Variants in AARS2 observed in about 807,000 individuals in gnomAD.
AARS2 encodes the protein alanine--tRNA ligase, mitochondrial.
Under a neutral mutation model 119.7 loss-of-function variants are expected in AARS2, and 78 were observed. The observed-to-expected ratio is 0.65, with a 90% CI of 0.54 to 0.79. AARS2 has a LOEUF of 0.79. AARS2 is among the 30% of genes least tolerant of loss of function. The pLI is 0.00. For missense variants in AARS2, 1,157 were observed against 1,291.3 expected, an observed-to-expected ratio of 0.90 and a Z score of 1.59; for synonymous variants, 502 against 526.3, an observed-to-expected ratio of 0.95 and a Z score of 0.63.
Position 44,304,711 on chromosome 6 carries a change from G to C in AARS2, c.1686C>G (p.Thr562=). The change falls in exon 12 of 22, where the codon ACC becomes ACG. Residue 562 remains threonine (T), a synonymous_variant. Transcript: ENST00000244571. ...GGCCCCCCTGTTCTGCGTAGAAGTT[G>C]GTCCTGTCCAAGAGGAGGCCACAGC... ...GQRCGLLLDR[T]NFYAEQGGQA... 6.2e-7 allele frequency: 1 copy of C among 1,614,228 alleles called. No individual in the cohort carries two copies. The highest frequency in any genetic ancestry group is 8.5e-7 in the Non-Finnish European group (1 of 1,180,032).
rs1012388107 is a variant in AARS2 at position 44,305,516 on chromosome 6, G to A, written c.1434+137C>T. 2.9e-6 allele frequency: 4 copies of A among 1,398,588 alleles called. No individual in the cohort carries two copies. In the African/African-American group the frequency reaches 5.7e-5, roughly 20 times the overall value. The allele number at this position is 1,398,588 out of a possible 1,614,324, so 86.6% of individuals were successfully genotyped here. Reference sequence around the variant, plus strand: ...CTACTGGTTGTGGCCTGAGGTTTTAGAAACCTCCCAGGTGAGGGGACAGAT... The same window carrying A: ...CTACTGGTTGTGGCCTGAGGTTTTAAAAACCTCCCAGGTGAGGGGACAGAT... On this transcript the variant is annotated intron_variant, in intron 10 of 21. Transcript: ENST00000244571. This position sits in a 1 kb window ranked among gnomAD's most constrained non-coding sequence, Gnocchi z 4.6.
In AARS2 at chr6:44,305,590, G is replaced by A. The variant is rs962048161; in HGVS notation, c.1434+63C>T. On this transcript the variant is annotated intron_variant, in intron 10 of 21. Transcript: ENST00000244571. This position sits in a 1 kb window ranked among gnomAD's most constrained non-coding sequence, Gnocchi z 4.6. ...CTCAATATTCACAGCTCCTCCCCCA[G>A]GAGCTCAGGGCTGGGGAAGAGGTGT... The A allele has an allele frequency of 2.1e-5, 34 of 1,609,426 alleles. No individual in the cohort carries two copies. In the African/African-American group the frequency reaches 4.3e-4, roughly 20 times the overall value.
At position 44,305,064 on chromosome 6, in the gene AARS2, G is replaced by C. The variant is rs374173311; in HGVS notation, c.1569C>G (p.Ser523Arg). The C allele has an allele frequency of 6.2e-7, 1 of 1,613,934 alleles. No homozygotes were observed. The highest frequency in any genetic ancestry group is 1.3e-5 in the African/African-American group (1 of 74,944). ...SPKYNYSLRP[S>R]GSYEFGTCEA... ...GGTCCAGGCTCTCACCATAACTTCC[G>C]CTGGGTCGCAGGGAGTAGTTGTACT... Residue 523 changes from serine (S) to arginine (R), a missense_variant, in exon 11 of 22, where the codon AGC (serine) becomes AGG (arginine). Coordinates refer to ENST00000244571, the MANE Select transcript of AARS2 (RefSeq NM_020745.4). The surrounding 1 kb of genome is among the most constrained non-coding windows in gnomAD (Gnocchi z 4.6).
At chr6:44,308,508 C>T (rs1786060712) in intron 5 of AARS2, among the ~76,000 whole-genome samples, 1 of 151,472 alleles carries the variant, frequency 6.6e-6, no homozygotes. Flanking sequence ...CACTGCACTC[C>T]AGCCTGGACA....
Position 44,305,833 on chromosome 6 carries a change from C to T in AARS2, c.1301-47G>A, listed in dbSNP as rs775107306. On this transcript the variant is annotated intron_variant, in intron 9 of 21. Transcript: ENST00000244571. This position sits in a 1 kb window ranked among gnomAD's most constrained non-coding sequence, Gnocchi z 4.6. ...AATGTTGAGGAGGGGAGGGATTAGA[C>T]AAAGAAGGGGAGAAAAATAAGGTCC... is the stretch of plus-strand genomic sequence containing the variant. The T allele has an allele frequency of 3.7e-6, 6 of 1,609,528 alleles. No individual in the cohort carries two copies. Among genetic ancestry groups the T allele is most frequent in the Non-Finnish European group, 5.1e-6 (6 of 1,176,328 alleles).
intron 19 of AARS2, among the ~76,000 whole-genome samples, 172 bp downstream of exon 19, chr6:44,301,888 A>G (rs1438596382): frequency 1.3e-5 from 2 of 152,084 alleles, no homozygotes; most frequent in Non-Finnish European, 2.9e-5. Flanking sequence ...TGAAAGAGAC[A>G]GAAGTGGGGG....
rs758466937 is a variant in AARS2 at position 44,303,300 on chromosome 6, G to A, written c.2131C>T (p.Arg711Cys). Residue 711 changes from arginine (R) to cysteine (C), a missense_variant, in exon 15 of 22, where the codon CGC becomes TGC. Arg to Cys is a radical substitution (Grantham distance 180, BLOSUM62 -3). Coordinates refer to ENST00000244571, the MANE Select transcript of AARS2 (RefSeq NM_020745.4). ...CCCCAACTCACCTCATCCAGAGAGC[G>A]CAGGCCAGGGACCTGGGCAGTGAGC... is the stretch of plus-strand genomic sequence containing the variant. ...LALTAQVPGL[R>C]SLDEVYPDPV... 68 of 1,613,994 alleles carry A rather than the reference G, an allele frequency of 4.2e-5. No homozygotes were observed. The highest frequency in any genetic ancestry group is 4.1e-4 in the African/African-American group (31 of 74,938).
At chr6:44,308,833 C>A (rs1259306157) in intron 5 of AARS2, among the ~76,000 whole-genome samples, 1 of 152,058 alleles carries the variant, frequency 6.6e-6, no homozygotes, top group African/African-American at 2.4e-5. Context: ...AACTCCTGAC[C>A]TCAAGCGATC....
Position 44,304,689 on chromosome 6 carries a change from C to T in AARS2, c.1708G>A (p.Gly570Ser). 2 of 1,614,232 alleles carry T rather than the reference C, an allele frequency of 1.2e-6. No homozygotes were observed. Among genetic ancestry groups the T allele is most frequent in the Non-Finnish European group, 1.7e-6 (2 of 1,180,042 alleles). ...DRTNFYAEQG[G>S]QASDRGYLVR... ...AGGTAGCCACGGTCTGAAGCCTGGC[C>T]CCCCTGTTCTGCGTAGAAGTTGGTC... Residue 570 changes from glycine to serine, a missense_variant, in exon 12 of 22, where the codon GGC becomes AGC. Physicochemically the swap from Gly to Ser is moderately conservative, Grantham distance 56. Transcript: ENST00000244571.
chr6:44,304,688 C>T lies in AARS2; in HGVS notation c.1709G>A (p.Gly570Asp). ...CAGGTAGCCACGGTCTGAAGCCTGG[C>T]CCCCCTGTTCTGCGTAGAAGTTGGT... is the stretch of plus-strand genomic sequence containing the variant. ...DRTNFYAEQG[G>D]QASDRGYLVR... Residue 570 changes from glycine (G) to aspartate (D), a missense_variant, in exon 12 of 22, where the codon GGC (glycine) becomes GAC (aspartate). Transcript: ENST00000244571. 6.2e-7 allele frequency: 1 copy of T among 1,614,232 alleles called. No homozygotes were observed. The highest frequency in any genetic ancestry group is 8.5e-7 in the Non-Finnish European group (1 of 1,180,038).
rs890609916 is a variant in AARS2, at chr6:44,305,389, G to A, written c.1435-191C>T. 2.0e-5 allele frequency among the ~76,000 whole-genome samples: 3 copies of A among 152,132 alleles called. No individual in the cohort carries two copies. Among genetic ancestry groups the A allele is most frequent in the East Asian group, 1.9e-4 (1 of 5,188 alleles). On this transcript the variant is annotated intron_variant, in intron 10 of 21. Coordinates refer to ENST00000244571, the MANE Select transcript of AARS2 (RefSeq NM_020745.4). The surrounding 1 kb of genome is among the most constrained non-coding windows in gnomAD (Gnocchi z 4.6). Reference sequence around the variant, plus strand: ...GAACCATCCATCATGTCGGCTCCTCGGGATTAGGCCTTCCTGCCCACTGCT... The same window carrying A: ...GAACCATCCATCATGTCGGCTCCTCAGGATTAGGCCTTCCTGCCCACTGCT...
rs1386421347 is a variant in AARS2 at position 44,304,705 on chromosome 6, G to A, written c.1692C>T (p.Phe564=). ...RCGLLLDRTN[F]YAEQGGQASD... ...AAGCCTGGCCCCCCTGTTCTGCGTA[G>A]AAGTTGGTCCTGTCCAAGAGGAGGC... The change falls in exon 12 of 22, where the codon TTC becomes TTT. Residue 564 remains phenylalanine, a synonymous_variant. Transcript: ENST00000244571. 2 of 1,614,236 alleles carry A rather than the reference G, an allele frequency of 1.2e-6. No homozygotes were observed. Among genetic ancestry groups the A allele is most frequent in the Admixed American group, 3.3e-5 (2 of 60,034 alleles).
intron 1 of AARS2, among the ~76,000 whole-genome samples, chr6:44,312,586 CCACACCCA>C (rs1475775550): frequency 6.6e-6 from 1 of 152,138 alleles, no homozygotes; most frequent in Non-Finnish European, 1.5e-5. Flanking sequence ...GCTTCTTCAA[CCACACCCA>C]ATAACTTCAG....
rs995144817 is a variant in AARS2 at position 44,305,914 on chromosome 6, A to C, written c.1301-128T>G. On this transcript the variant is annotated intron_variant, in intron 9 of 21. Transcript: ENST00000244571. This position sits in a 1 kb window ranked among gnomAD's most constrained non-coding sequence, Gnocchi z 4.6. Reference sequence around the variant, plus strand: ...GATGCCAAACACAAATACCCGCTCCATACTGGGTAGCCTCAGGAGAGGGGT... The same window carrying C: ...GATGCCAAACACAAATACCCGCTCCCTACTGGGTAGCCTCAGGAGAGGGGT... 3 of 1,160,050 alleles carry C rather than the reference A, an allele frequency of 2.6e-6. No homozygotes were observed. The African/African-American group carries it at 4.6e-5, about 18-fold the overall frequency. The allele number at this position is 1,160,050 out of a possible 1,614,324, so 71.9% of individuals were successfully genotyped here. A position where few individuals can be genotyped will look rare whatever the true frequency, so the allele number is the denominator to read the frequency against.
At chr6:44,304,115 C>T (rs1303517685) in intron 14 of AARS2, 66 bp downstream of exon 14, 1 of 1,607,898 alleles carries the variant, frequency 6.2e-7, no homozygotes, top group African/African-American at 1.3e-5. Context: ...AACCCGCTCA[C>T]AGCAGGCTGT....
rs1186640342 is a variant in AARS2 at position 44,310,903 on chromosome 6, T to A, written c.749+91A>T. 3.9e-6 allele frequency: 6 copies of A among 1,535,582 alleles called. No individual in the cohort carries two copies. In the African/African-American group the frequency reaches 6.8e-5, roughly 18 times the overall value. ...CACACGGTAAGCACCGTTTACATGT[T>A]TGTTTTTATATGAAACAGATCAAAG... On this transcript the variant is annotated intron_variant, in intron 4 of 21. Coordinates refer to ENST00000244571, the MANE Select transcript of AARS2 (RefSeq NM_020745.4).
Position 44,301,470 on chromosome 6 carries a change from G to A in AARS2, c.2599-6C>T. 6.2e-7 allele frequency: 1 copy of A among 1,611,692 alleles called. No individual in the cohort carries two copies. The highest frequency in any genetic ancestry group is 8.5e-7 in the Non-Finnish European group (1 of 1,179,056). ...TCCTGAGTTTTCTTTGCAGCCTATG[G>A]GGCAGGAAGGACAAGCAGAGGGGTC... On this transcript the variant is annotated splice_polypyrimidine_tract_variant and splice_region_variant and intron_variant, in intron 19 of 21. Coordinates refer to ENST00000244571, the MANE Select transcript of AARS2 (RefSeq NM_020745.4).
Position 44,301,400 on chromosome 6 carries a change from A to G in AARS2, c.2663T>C (p.Val888Ala). Residue 888 changes from valine (V) to alanine (A), a missense_variant, in exon 20 of 22, where the codon GTC becomes GCC. Val to Ala is a moderately conservative substitution (Grantham distance 64). Coordinates refer to ENST00000244571, the MANE Select transcript of AARS2 (RefSeq NM_020745.4). ...HSKGPLIVDT[V>A]SAESLSVLVK... ...ACTCACTGAGAGAGACTCAGCAGAGACTGTGTCCACAATCAGAGGCCCCTT... is the reference window on the plus strand; with the variant it reads ...ACTCACTGAGAGAGACTCAGCAGAGGCTGTGTCCACAATCAGAGGCCCCTT... The G allele has an allele frequency of 6.2e-7, 1 of 1,613,948 alleles. No homozygotes were observed. The highest frequency in any genetic ancestry group is 1.1e-5 in the South Asian group (1 of 91,068).
In AARS2 at chr6:44,311,438, G is replaced by A. The variant is rs200343365; in HGVS notation, c.533C>T (p.Ala178Val). 7.1e-5 allele frequency: 115 copies of A among 1,614,118 alleles called. No individual in the cohort carries two copies. The Admixed American group carries it at 1.7e-3, about 25-fold the overall frequency. The change falls in exon 3 of 22, where the codon GCA becomes GTA. Residue 178 changes from alanine (A) to valine (V), a missense_variant. Coordinates refer to ENST00000244571, the MANE Select transcript of AARS2 (RefSeq NM_020745.4). ...GGTCTCCAGGTCTGGGTCCAGCCCT[G>A]CCTTGGGGTCACCATCAAAGTAGGA... ...WISYFDGDPKAGLDPDLETRD... is the reference protein window; with the variant it reads ...WISYFDGDPKVGLDPDLETRD...
Sources: gnomAD v4.1 joint callset for allele counts (sites outside exome capture counted in the v4.1 genomes callset) on GRCh38, gnomAD v4.1.1 for gene constraint, Gnocchi (gnomAD v3.1) non-coding constraint, MANE v1.5 for transcripts, NCBI Gene and HGNC (gene_info 2026-07-23, HGNC 2026-07-21) for gene names.